Variants in TNFRSF11A observed in about 807,000 individuals in gnomAD.
TNFRSF11A encodes the protein tumor necrosis factor receptor superfamily member 11A.
In TNFRSF11A, 32 loss-of-function variants were observed where a neutral mutation model predicts 55.7. That is an observed-to-expected ratio of 0.57 (90% CI 0.43 to 0.77). The LOEUF is 0.77. Ranked by LOEUF, TNFRSF11A falls within the 30% of genes least tolerant of loss-of-function variation. The pLI, the probability that TNFRSF11A is intolerant of heterozygous loss-of-function variation, is 0.00. For synonymous variants in TNFRSF11A, 311 were observed against 331.0 expected (o/e 0.94, Z 0.65); for missense variants, 753 against 809.8 (o/e 0.93, Z 0.85).
chr18:62,380,256 G>A (rs9948182), intron 9 of TNFRSF11A, among the ~76,000 whole-genome samples: 46,341 of 151,890 alleles, frequency 0.31, 7,290 homozygotes, highest in Non-Finnish European at 0.33. Context: ...TTTTAAAAAA[G>A]GTTTAGTCTC....
chr18:62,347,295 A>G (rs946625390), intron 1 of TNFRSF11A, among the ~76,000 whole-genome samples: 8 of 152,232 alleles, frequency 5.3e-5, no homozygotes, highest in East Asian at 3.8e-4. Context: ...CTGCTTGTCA[A>G]CAGGAGTGTG....
intron 9 of TNFRSF11A, among the ~76,000 whole-genome samples, chr18:62,377,836 G>A (rs1324216657): frequency 3.3e-5 from 5 of 152,032 alleles, no homozygotes; most frequent in Admixed American, 2.0e-4. Flanking sequence ...TCCAGTCTGC[G>A]GCTTGTTTCT....
rs139839208 is a variant in TNFRSF11A, at chr18:62,334,758, G to A, written c.75+9331G>A. Among the ~76,000 whole-genome samples, 73 of 152,216 alleles carry A rather than the reference G, an allele frequency of 4.8e-4. No individual in the cohort carries two copies. The East Asian group carries it at 9.3e-3, about 19-fold the overall frequency. On this transcript the variant is annotated intron_variant, in intron 1 of 9. Coordinates refer to ENST00000586569, the MANE Select transcript of TNFRSF11A (RefSeq NM_003839.4). ...ACACTTTCTAAGTAGTAAGAGAAAA[G>A]TTCAAATAAGAAAGAGGGTCAGAAC...
chr18:62,354,358 C>T, intron 3 of TNFRSF11A, 33 bp from the exon 4 acceptor site: 1 of 1,536,896 alleles, frequency 6.5e-7, no homozygotes, highest in South Asian at 1.2e-5. Context: ...CCTGCCCCTC[C>T]CTGGCCACTG....
At chr18:62,326,264 G>A (rs1352111629) in intron 1 of TNFRSF11A, among the ~76,000 whole-genome samples, 1 of 152,208 alleles carries the variant, frequency 6.6e-6, no homozygotes, top group Non-Finnish European at 1.5e-5. Context: ...GGCTGCTGCC[G>A]TCCCTCCGCA....
Position 62,325,923 on chromosome 18 carries a change from C to G in TNFRSF11A, c.75+496C>G, listed in dbSNP as rs1255235492. ...GGGCTTGCCTTTGCCTCCCCTGAGC[C>G]CCTTCGGGGACACCCCTGCCAGCTC... On this transcript the variant is annotated intron_variant, in intron 1 of 9. Transcript: ENST00000586569. The surrounding 1 kb of genome is among the most constrained non-coding windows in gnomAD (Gnocchi z 4.7). 2.0e-5 allele frequency among the ~76,000 whole-genome samples: 3 copies of G among 152,218 alleles called. No individual in the cohort carries two copies. The highest frequency in any genetic ancestry group is 2.4e-5 in the African/African-American group (1 of 41,474).
intron 1 of TNFRSF11A, among the ~76,000 whole-genome samples, chr18:62,347,623 G>A (rs1209470537): frequency 6.6e-6 from 1 of 152,130 alleles, no homozygotes; most frequent in Admixed American, 6.5e-5. Flanking sequence ...CAAGTTAAAA[G>A]GTAAGCAGGC....
intron 1 of TNFRSF11A, among the ~76,000 whole-genome samples, chr18:62,344,831 G>A (rs1463468174): frequency 6.6e-6 from 1 of 152,206 alleles, no homozygotes; most frequent in Non-Finnish European, 1.5e-5. Context: ...GTTCATTCAT[G>A]CACACAAAAA....
At chr18:62,341,992 A>G (rs1355463496) in intron 1 of TNFRSF11A, among the ~76,000 whole-genome samples, 2 of 151,726 alleles carry the variant, frequency 1.3e-5, no homozygotes, top group African/African-American at 2.4e-5. Flanking sequence ...AGCCCAACTC[A>G]GTTCTTGGGG....
rs1021998394 is a variant in TNFRSF11A at position 62,358,160 on chromosome 18, C to T, written c.428-88C>T. On this transcript the variant is annotated intron_variant, in intron 4 of 9. Transcript: ENST00000586569. The stretch of plus-strand genomic sequence containing the variant: ...GGGGCAGCGCCTCACCTCCAGTCCT[C>T]TGGAGTCCCAGCCTGGATGATCTCT... The T allele has an allele frequency of 6.9e-6, 9 of 1,305,018 alleles. No individual in the cohort carries two copies. The African/African-American group carries it at 1.0e-4, about 15-fold the overall frequency. The allele number at this position is 1,305,018 out of a possible 1,614,324, so 80.8% of individuals were successfully genotyped here.
At chr18:62,378,553 G>T (rs940983472) in intron 9 of TNFRSF11A, among the ~76,000 whole-genome samples, 1 of 152,154 alleles carries the variant, frequency 6.6e-6, no homozygotes, top group Admixed American at 6.5e-5. Context: ...CCGTGAGCAC[G>T]GATATTACTT....
chr18:62,349,799 T>G lies in TNFRSF11A; in HGVS notation c.158-13T>G. 6.2e-7 allele frequency: 1 copy of G among 1,613,752 alleles called. No individual in the cohort carries two copies. Among genetic ancestry groups the G allele is most frequent in the Non-Finnish European group, 8.5e-7 (1 of 1,179,738 alleles). ...TTTTTGATGGTTGCATTTTTCTCCC[T>G]CATTTTTTTAAGGAAAGTACATGTC... On this transcript the variant is annotated splice_polypyrimidine_tract_variant and intron_variant, in intron 2 of 9. Coordinates refer to ENST00000586569, the MANE Select transcript of TNFRSF11A (RefSeq NM_003839.4).
intron 1 of TNFRSF11A, among the ~76,000 whole-genome samples, chr18:62,345,942 G>A (rs886205768): frequency 2.6e-5 from 4 of 152,142 alleles, no homozygotes; most frequent in Admixed American, 6.5e-5. Flanking sequence ...TGAATGAATC[G>A]CAGCCATACT....
In TNFRSF11A at chr18:62,384,961, G is replaced by A. The variant is rs1367667853; in HGVS notation, c.1778G>A (p.Gly593Asp). 2.7e-6 allele frequency: 4 copies of A among 1,492,096 alleles called. No individual in the cohort carries two copies. Among genetic ancestry groups the A allele is most frequent in the Non-Finnish European group, 3.5e-6 (4 of 1,128,392 alleles). The allele number at this position is 1,492,096 out of a possible 1,614,324, so 92.4% of individuals were successfully genotyped here. ...GGCCCGCGCTTCCCGGACCCGTGCG[G>A]CGGCCCCGAGGGGCTGCGGGAGCCG... ...GNGPRFPDPC[G>D]GPEGLREPEK... is the part of the protein sequence containing the mutation. The change falls in exon 10 of 10, where the codon GGC becomes GAC. Residue 593 changes from glycine (G) to aspartate (D), a missense_variant. Coordinates refer to ENST00000586569, the MANE Select transcript of TNFRSF11A (RefSeq NM_003839.4).
chr18:62,329,682 C>T (rs1186729999), intron 1 of TNFRSF11A, among the ~76,000 whole-genome samples: 1 of 152,140 alleles, frequency 6.6e-6, no homozygotes, highest in Non-Finnish European at 1.5e-5. Context: ...GGTTTAAAAC[C>T]GAGTGGGTGT....
Position 62,348,180 on chromosome 18 carries a change from A to G in TNFRSF11A, c.88A>G (p.Ile30Val). Residue 30 changes from isoleucine (I) to valine (V), a missense_variant, in exon 2 of 10, where the codon ATC becomes GTC. Transcript: ENST00000586569. Reference sequence around the variant, plus strand: ...GTGTTCTTTTCAGGTGGCTTTGCAGATCGCTCCTCCATGTACCAGTGAGAA... The same window carrying G: ...GTGTTCTTTTCAGGTGGCTTTGCAGGTCGCTCCTCCATGTACCAGTGAGAA... ...LLARLQVALQ[I>V]APPCTSEKHY... 1 of 1,614,060 alleles carries G rather than the reference A, an allele frequency of 6.2e-7. No homozygotes were observed. The highest frequency in any genetic ancestry group is 8.5e-7 in the Non-Finnish European group (1 of 1,179,988).
rs146099418 is a variant in TNFRSF11A at position 62,350,899 on chromosome 18, G to A, written c.283+962G>A. 3.0e-3 allele frequency among the ~76,000 whole-genome samples: 451 copies of A among 151,750 alleles called. 1 individual carries two copies. Among genetic ancestry groups the A allele is most frequent in the African/African-American group, 0.011 (436 of 41,374 alleles). ...ATTGAGCTCATTTTTTGAAGAAACC[G>A]TGATGTTAGTCCTGTGGAGATTGCA... On this transcript the variant is annotated intron_variant, in intron 3 of 9. Coordinates refer to ENST00000586569, the MANE Select transcript of TNFRSF11A (RefSeq NM_003839.4).
chr18:62,349,166 C>CTT (rs35392545), intron 2 of TNFRSF11A, among the ~76,000 whole-genome samples: 1 of 143,322 alleles, frequency 7.0e-6, no homozygotes, highest in East Asian at 2.0e-4. Context: ...CATTCTATTC[C>CTT]TTTTTTTTTT....
In TNFRSF11A at chr18:62,387,868, T is replaced by G. The variant is rs987198970; in HGVS notation, c.*2834T>G. ...AGGCACAGCGGTTCATGCCTCCCAGTGCTTTGGGAGGCCAAGGCAGGAGGA... is the reference window on the plus strand; with the variant it reads ...AGGCACAGCGGTTCATGCCTCCCAGGGCTTTGGGAGGCCAAGGCAGGAGGA... On this transcript the variant is annotated 3_prime_UTR_variant, in exon 10 of 10. Transcript: ENST00000586569. The G allele has an allele frequency of 5.3e-5, 8 of 152,204 alleles. No individual in the cohort carries two copies. Among genetic ancestry groups the G allele is most frequent in the African/African-American group, 1.9e-4 (8 of 41,436 alleles). 9.4% of individuals were successfully genotyped at this position (152,204 alleles called of 1,614,324 possible). A position where few individuals can be genotyped will look rare whatever the true frequency, so the allele number is the denominator to read the frequency against.
Sources: gnomAD v4.1 joint callset for allele counts (sites outside exome capture counted in the v4.1 genomes callset) on GRCh38, gnomAD v4.1.1 for gene constraint, Gnocchi (gnomAD v3.1) non-coding constraint, MANE v1.5 for transcripts, NCBI Gene and HGNC (gene_info 2026-07-23, HGNC 2026-07-21) for gene names.